Variants in SDK1 observed in about 807,000 individuals in gnomAD.
SDK1 encodes the protein sidekick cell adhesion molecule 1.
Under a neutral mutation model 245.5 loss-of-function variants are expected in SDK1, and 157 were observed. The ratio of observed to expected loss-of-function variants is 0.64; its 90% CI spans 0.56 to 0.73. The LOEUF (loss-of-function observed/expected upper bound fraction) is 0.73. Ranked by LOEUF, SDK1 falls within the 30% of genes least tolerant of loss-of-function variation. The pLI is 0.00. For missense variants in SDK1, 3,583 were observed against 3,002.3 expected, an observed-to-expected ratio of 1.19 and a Z score of -4.52; for synonymous variants, 1,647 against 1,278.5, an observed-to-expected ratio of 1.29 and a Z score of -6.15.
chr7:3,665,584 A>G lies in SDK1; in HGVS notation c.713+23479A>G, dbSNP rs189555670. ...TGTCTTGTGCCTGACTAGTTAATAAATATTTTTATGTTTGTTTCCTTGTCC... is the reference window on the plus strand; with the variant it reads ...TGTCTTGTGCCTGACTAGTTAATAAGTATTTTTATGTTTGTTTCCTTGTCC... On this transcript the variant is annotated intron_variant, in intron 4 of 44. Transcript: ENST00000404826. Among the ~76,000 whole-genome samples the G allele has an allele frequency of 2.8e-3, 432 of 152,274 alleles. 3 individuals are homozygous for G. Among genetic ancestry groups the G allele is most frequent in the South Asian group, 0.018 (85 of 4,820 alleles).
At chr7:3,366,849 C>G (rs1483083535) in intron 1 of SDK1, among the ~76,000 whole-genome samples, 1 of 152,080 alleles carries the variant, frequency 6.6e-6, no homozygotes, top group Non-Finnish European at 1.5e-5. Context: ...TCAAGCAATT[C>G]TCCTGCCTCA....
chr7:4,158,681 G>A (rs1584325398), intron 31 of SDK1, 130 bp downstream of exon 31: 2 of 641,870 alleles, frequency 3.1e-6, no homozygotes, highest in East Asian at 2.8e-5. Context: ...AATTCCATTA[G>A]TGACAGACAG....
chr7:3,707,449 G>T (rs1048511564), intron 4 of SDK1, among the ~76,000 whole-genome samples: 1 of 152,126 alleles, frequency 6.6e-6, no homozygotes, highest in South Asian at 2.1e-4. Flanking sequence ...AACATTTATC[G>T]AGACTTGTTT....
intron 1 of SDK1, among the ~76,000 whole-genome samples, chr7:3,326,651 C>G (rs561384523): frequency 1.6e-4 from 25 of 152,192 alleles, no homozygotes; most frequent in Admixed American, 7.2e-4. Flanking sequence ...ACACTGCTTT[C>G]TAAATTAATT....
At chr7:4,190,555 G>A (rs1381500529) in intron 35 of SDK1, among the ~76,000 whole-genome samples, 1 of 152,232 alleles carries the variant, frequency 6.6e-6, no homozygotes, top group Non-Finnish European at 1.5e-5. Flanking sequence ...GCACTAAGAA[G>A]CCCTCGCCAA....
intron 1 of SDK1, among the ~76,000 whole-genome samples, chr7:3,320,136 G>C (rs1562411316): frequency 6.6e-6 from 1 of 151,800 alleles, no homozygotes; most frequent in Non-Finnish European, 1.5e-5. Context: ...CCGGATGACT[G>C]TTTCACACAC....
intron 1 of SDK1, among the ~76,000 whole-genome samples, chr7:3,609,669 G>A (rs1453094300): frequency 6.6e-6 from 1 of 151,748 alleles, no homozygotes; most frequent in African/African-American, 2.4e-5. Context: ...CAAAGTGCTG[G>A]GATTATAGGC....
Position 3,967,513 on chromosome 7 carries a change from C to T in SDK1, c.1546+79C>T, listed in dbSNP as rs117261724. ...CGGGCCAGTGCTTGCTTCTTATTCA[C>T]TCTCTTGTTTATTCACTTATGCATT... On this transcript the variant is annotated intron_variant, in intron 10 of 44. Coordinates refer to ENST00000404826, the MANE Select transcript of SDK1 (RefSeq NM_152744.4). The T allele has an allele frequency of 3.2e-4, 276 of 865,456 alleles. 1 individual carries two copies. The East Asian group carries it at 6.6e-3, about 21-fold the overall frequency. 53.6% of individuals were successfully genotyped at this position (865,456 alleles called of 1,614,324 possible).
intron 14 of SDK1, among the ~76,000 whole-genome samples, chr7:3,998,191 C>T (rs1006741784): frequency 1.1e-4 from 16 of 152,348 alleles, no homozygotes; most frequent in Non-Finnish European, 1.6e-4. Context: ...AGCGGCACCC[C>T]GGGAGCTCCC....
intron 5 of SDK1, among the ~76,000 whole-genome samples, chr7:3,829,526 A>G: frequency 6.6e-6 from 1 of 152,296 alleles, no homozygotes; most frequent in East Asian, 1.9e-4. Flanking sequence ...AGAATAGTCA[A>G]TGGGAAGTTT....
intron 1 of SDK1, among the ~76,000 whole-genome samples, chr7:3,414,236 C>T (rs73671817): frequency 0.023 from 3,533 of 151,890 alleles, 125 homozygotes; most frequent in African/African-American, 0.079. Flanking sequence ...GGTTGGGGTG[C>T]GGAGGAGGAG....
chr7:4,226,277 C>G (rs1583118289), intron 40 of SDK1, among the ~76,000 whole-genome samples: 1 of 152,196 alleles, frequency 6.6e-6, no homozygotes, highest in African/African-American at 2.4e-5. Flanking sequence ...GAGACGGGCA[C>G]TCGGTGCCAG....
chr7:4,134,632 G>C (rs888472133), intron 28 of SDK1: 2 of 152,382 alleles, frequency 1.3e-5, no homozygotes, highest in East Asian at 3.9e-4. Context: ...GAAGAAGCAG[G>C]CTCGCCCCAG....
Position 3,826,800 on chromosome 7 carries a change from C to T in SDK1, c.847+5217C>T, listed in dbSNP as rs142446937. Among the ~76,000 whole-genome samples the T allele has an allele frequency of 2.9e-3, 442 of 152,240 alleles. 3 individuals are homozygous for T. Among genetic ancestry groups the T allele is most frequent in the Non-Finnish European group, 4.9e-3 (335 of 68,026 alleles). On this transcript the variant is annotated intron_variant, in intron 5 of 44. Transcript: ENST00000404826. ...ATAAATAACATTGAAACTTAGTTTC[C>T]TTCTTGGGCTTTCGGTGAGAAAACA...
At chr7:3,519,772 A>T (rs1339526160) in intron 1 of SDK1, among the ~76,000 whole-genome samples, 12 of 152,164 alleles carry the variant, frequency 7.9e-5, no homozygotes, top group African/African-American at 2.9e-4. Context: ...AGACTCATAT[A>T]ATAGAATTCT....
chr7:3,307,865 T>A (rs1393033499), intron 1 of SDK1, among the ~76,000 whole-genome samples: 1 of 152,194 alleles, frequency 6.6e-6, no homozygotes, highest in Non-Finnish European at 1.5e-5. Flanking sequence ...TGTTCTACTC[T>A]GATTCTCTGA....
intron 20 of SDK1, among the ~76,000 whole-genome samples, chr7:4,074,184 A>C (rs1232749257): frequency 1.3e-5 from 2 of 152,146 alleles, no homozygotes; most frequent in African/African-American, 4.8e-5. Flanking sequence ...GCAGGATAGT[A>C]AACTTTCATC....
At chr7:3,652,213 A>T (rs998960329) in intron 4 of SDK1, among the ~76,000 whole-genome samples, 1 of 152,224 alleles carries the variant, frequency 6.6e-6, no homozygotes, top group Non-Finnish European at 1.5e-5. Context: ...CTCTGAGGAC[A>T]CGAAGTCAAG....
intron 1 of SDK1, among the ~76,000 whole-genome samples, chr7:3,503,646 C>T (rs555397879): frequency 3.3e-4 from 50 of 152,160 alleles, no homozygotes; most frequent in African/African-American, 1.1e-3. Flanking sequence ...CACTGCACTC[C>T]AGCCTGGGTG....
Sources: gnomAD v4.1 joint callset for allele counts (sites outside exome capture counted in the v4.1 genomes callset) on GRCh38, gnomAD v4.1.1 for gene constraint, MANE v1.5 for transcripts, NCBI Gene and HGNC (gene_info 2026-07-23, HGNC 2026-07-21) for gene names.